ZNF486: variants seen among roughly 807,000 people sequenced by gnomAD.
ZNF486 encodes the protein KRAB box only protein 2.
A neutral mutation model predicts 12.8 loss-of-function variants in ZNF486; 12 were observed. The ratio of observed to expected loss-of-function variants is 0.94; its 90% confidence interval spans 0.60 to 1.52. The LOEUF is 1.52. ZNF486 is among the 40% of genes most tolerant of loss of function. ZNF486 has a pLI of 0.00. For missense variants in ZNF486, 738 were observed against 545.0 expected, an observed-to-expected ratio of 1.35 and a Z score of -3.53; for synonymous variants, 231 against 184.9, an observed-to-expected ratio of 1.25 and a Z score of -2.02.
chr19:20,196,603 T>C (rs1555717974), intron 3 of ZNF486, among the ~76,000 whole-genome samples: 1 of 152,228 alleles, frequency 6.6e-6, no homozygotes, highest in East Asian at 1.9e-4. Flanking sequence ...GTGCTGGTAT[T>C]ACAGGAATGA....
At chr19:20,172,361 A>G (rs1211590971) in intron 1 of ZNF486, among the ~76,000 whole-genome samples, 1 of 150,514 alleles carries the variant, frequency 6.6e-6, no homozygotes, top group Non-Finnish European at 1.5e-5. Context: ...ACTGGATTGC[A>G]ATAGCGTAAT....
chr19:20,172,734 G>A (rs2089662910), intron 1 of ZNF486, among the ~76,000 whole-genome samples: 1 of 148,880 alleles, frequency 6.7e-6, no homozygotes, highest in Non-Finnish European at 1.5e-5. Flanking sequence ...CTGCCTCCTG[G>A]GTTGGAGTGA....
intron 3 of ZNF486, among the ~76,000 whole-genome samples, chr19:20,187,674 T>G (rs925654172): frequency 6.6e-6 from 1 of 151,934 alleles, no homozygotes; most frequent in South Asian, 2.1e-4. Context: ...GCTAATTTTT[T>G]AAAAATTTTT....
intron 3 of ZNF486, among the ~76,000 whole-genome samples, chr19:20,186,418 T>C (rs78076673): frequency 0.077 from 11,733 of 152,210 alleles, 693 homozygotes; most frequent in African/African-American, 0.17. Flanking sequence ...CTGCGTGATT[T>C]TGAGAAACTA....
intron 3 of ZNF486, chr19:20,188,268 C>T (rs1555716772): frequency 1.0e-5 from 4 of 388,822 alleles, no homozygotes; most frequent in Non-Finnish European, 1.8e-5. Context: ...GAGAGAAATA[C>T]TTGTTTGATT....
At chr19:20,171,703 A>G (rs1182416008) in intron 1 of ZNF486, among the ~76,000 whole-genome samples, 1 of 152,198 alleles carries the variant, frequency 6.6e-6, no homozygotes, top group Non-Finnish European at 1.5e-5. Flanking sequence ...TCTCCCACCC[A>G]GGAATTATTT....
intron 2 of ZNF486, 109 bp downstream of exon 2, chr19:20,184,591 T>A: frequency 8.3e-7 from 1 of 1,208,080 alleles, no homozygotes; most frequent in South Asian, 1.9e-5. Flanking sequence ...GTTCCAGATG[T>A]CCTTTTTCCA....
chr19:20,182,106 C>T lies in ZNF486; in HGVS notation c.31-2250C>T, dbSNP rs191807318. Among the ~76,000 whole-genome samples, 177 of 152,288 alleles carry T rather than the reference C, an allele frequency of 1.2e-3. 1 individual carries two copies. The highest frequency in any genetic ancestry group is 1.9e-3 in the Non-Finnish European group (128 of 68,018). ...ACTTTAGGGTGGAGATGCGTTGTCC[C>T]TATTTGTATCAGAAGTATTTGGTTG... On this transcript the variant is annotated intron_variant, in intron 1 of 3. Transcript: ENST00000335117.
chr19:20,167,473 C>A, intron 1 of ZNF486, 113 bp downstream of exon 1: 1 of 1,272,060 alleles, frequency 7.9e-7, no homozygotes, highest in East Asian at 2.4e-5. Flanking sequence ...GTCCGGACTT[C>A]TCCTTACCCA....
At chr19:20,174,096 C>T (rs532486849) in intron 1 of ZNF486, among the ~76,000 whole-genome samples, 90 of 152,120 alleles carry the variant, frequency 5.9e-4, no homozygotes, top group African/African-American at 2.2e-3. Context: ...TTTAAGGGCA[C>T]ACAGAAGCTT....
rs181484653 is a variant in ZNF486 at position 20,190,681 on chromosome 19, C to T, written c.253+4599C>T. On this transcript the variant is annotated intron_variant, in intron 3 of 3. Coordinates refer to ENST00000335117, the MANE Select transcript of ZNF486 (RefSeq NM_052852.4). ...GTTATAGGCAAGAGCCACTGCACCC[C>T]GTCAGTACTTTTAAATTTAATAAAA... 1.7e-4 allele frequency among the ~76,000 whole-genome samples: 26 copies of T among 152,266 alleles called. No homozygotes were observed. The East Asian group carries it at 2.9e-3, about 17-fold the overall frequency.
intron 3 of ZNF486, among the ~76,000 whole-genome samples, chr19:20,190,258 A>T (rs1164062852): frequency 3.3e-5 from 5 of 152,210 alleles, no homozygotes; most frequent in Admixed American, 1.3e-4. Flanking sequence ...CCTGAGCAAG[A>T]ATATGTTGAA....
rs1272621939 is a variant in ZNF486, at chr19:20,198,800, G to C, written c.*698G>C. On this transcript the variant is annotated 3_prime_UTR_variant, in exon 4 of 4. Coordinates refer to ENST00000335117, the MANE Select transcript of ZNF486 (RefSeq NM_052852.4). The stretch of plus-strand genomic sequence containing the variant: ...GCTTCCTAAAGTGCTGGGATGACAG[G>C]CATGAGCCTCAATTCCCAGCCATAA... 1 of 152,218 alleles carries C rather than the reference G, an allele frequency of 6.6e-6. No homozygotes were observed. The highest frequency in any genetic ancestry group is 1.5e-5 in the Non-Finnish European group (1 of 68,078). 9.4% of individuals were successfully genotyped at this position (152,218 alleles called of 1,614,324 possible). A position where few individuals can be genotyped will look rare whatever the true frequency, so the allele number is the denominator to read the frequency against.
chr19:20,170,542 C>G (rs1555713749), intron 1 of ZNF486, among the ~76,000 whole-genome samples: 2 of 151,856 alleles, frequency 1.3e-5, no homozygotes, highest in Admixed American at 6.6e-5. Flanking sequence ...CCACTGCACT[C>G]CAGCCTGGGC....
chr19:20,200,168 T>C lies in ZNF486; in HGVS notation c.*2066T>C, dbSNP rs1555718703. The C allele has an allele frequency of 6.6e-6, 1 of 152,100 alleles. No homozygotes were observed. Among genetic ancestry groups the C allele is most frequent in the African/African-American group, 2.4e-5 (1 of 41,352 alleles). The allele number at this position is 152,100 out of a possible 1,614,324, so 9.4% of individuals were successfully genotyped here. A position where few individuals can be genotyped will look rare whatever the true frequency, so the allele number is the denominator to read the frequency against. On this transcript the variant is annotated 3_prime_UTR_variant, in exon 4 of 4. Coordinates refer to ENST00000335117, the MANE Select transcript of ZNF486 (RefSeq NM_052852.4). ...TTTCAAATTACTTTATGCTGTTATT[T>C]TATTCTTATTGTATTCACATGTGAA...
At chr19:20,188,355 C>A (rs1400756724) in intron 3 of ZNF486, 2 of 397,574 alleles carry the variant, frequency 5.0e-6, no homozygotes, top group Non-Finnish European at 8.9e-6. Context: ...TTTAAAAACA[C>A]ATAACATAAA....
At chr19:20,192,767 T>A (rs2089914889) in intron 3 of ZNF486, among the ~76,000 whole-genome samples, 2 of 152,306 alleles carry the variant, frequency 1.3e-5, no homozygotes, top group African/African-American at 4.8e-5. Flanking sequence ...TTTTTTGTAT[T>A]TTTTGTAGAG....
intron 3 of ZNF486, among the ~76,000 whole-genome samples, chr19:20,186,705 G>A (rs1276618924): frequency 6.6e-6 from 1 of 150,990 alleles, no homozygotes; most frequent in Non-Finnish European, 1.5e-5. Context: ...TTTGATAGGA[G>A]GTTTATTGAA....
chr19:20,167,439 C>A, intron 1 of ZNF486, 79 bp downstream of exon 1: 1 of 1,514,252 alleles, frequency 6.6e-7, no homozygotes, highest in East Asian at 2.3e-5. Context: ...CTCAGGCCTC[C>A]CCGTAGTCAG....
Sources: gnomAD v4.1 joint callset for allele counts (sites outside exome capture counted in the v4.1 genomes callset) on GRCh38, gnomAD v4.1.1 for gene constraint, MANE v1.5 for transcripts, NCBI Gene and HGNC (gene_info 2026-07-23, HGNC 2026-07-21) for gene names.